The following RBPJ variants were observed in gnomAD, a reference collection of about 807,000 sequenced individuals.
The protein encoded by RBPJ is recombination signal binding protein for immunoglobulin kappa J region.
RBPJ carries 9 observed loss-of-function variants against 67.8 expected under a neutral mutation model. That is an observed-to-expected ratio of 0.13 (90% CI 0.08 to 0.23). The LOEUF is 0.23. RBPJ is among the 10% of genes least tolerant of loss of function. RBPJ has a pLI of 1.00. For synonymous variants in RBPJ, 198 were observed against 203.3 expected (o/e 0.97, Z 0.22); for missense variants, 305 against 595.6 (o/e 0.51, Z 5.08).
chr4:26,372,051 T>A (rs1729209139), intron 1 of RBPJ, among the ~76,000 whole-genome samples: 1 of 152,228 alleles, frequency 6.6e-6, no homozygotes, highest in African/African-American at 2.4e-5. Context: ...CTCAGGATTG[T>A]TAATGATACT....
chr4:26,236,280 C>G (rs1164864875), intron 1 of RBPJ, among the ~76,000 whole-genome samples: 1 of 152,168 alleles, frequency 6.6e-6, no homozygotes, highest in African/African-American at 2.4e-5. Context: ...ATGTCCTCAT[C>G]TGAAAAATGG....
At chr4:26,256,831 T>C (rs1426058097) in intron 1 of RBPJ, among the ~76,000 whole-genome samples, 1 of 152,202 alleles carries the variant, frequency 6.6e-6, no homozygotes, top group Non-Finnish European at 1.5e-5. Context: ...CATTTAACAA[T>C]GAAGCGAAAC....
rs1197238497 is a variant in RBPJ at position 26,264,306 on chromosome 4, AATT to A, written c.-166-98132_-166-98130del. 2.0e-5 allele frequency among the ~76,000 whole-genome samples: 3 copies of A among 152,230 alleles called. No homozygotes were observed. Among genetic ancestry groups the A allele is most frequent in the Non-Finnish European group, 2.9e-5 (2 of 68,048 alleles). On this transcript the variant is annotated intron_variant, in intron 1 of 4. Transcript: ENST00000512351. The surrounding 1 kb of genome is among the most constrained non-coding windows in gnomAD (Gnocchi z 4.1). ...CTTATTAATTCAGATCTTAGTAATT[AATT>A]ATTATTAATACTTATTAATTCATTA...
In RBPJ at chr4:26,407,546, T is replaced by G. The variant is rs571716071; in HGVS notation, c.155+1276T>G. Among the ~76,000 whole-genome samples, 65 of 152,348 alleles carry G rather than the reference T, an allele frequency of 4.3e-4. No homozygotes were observed. The South Asian group carries it at 0.012, about 28-fold the overall frequency. On this transcript the variant is annotated intron_variant, in intron 3 of 10. Transcript: ENST00000355476. ...TTCACTTGGTTCCTGGAATTTTCTT[T>G]GAATAGTTTCTTGAGTCTGTCTTTC... is the stretch of plus-strand genomic sequence containing the variant.
intron 1 of RBPJ, among the ~76,000 whole-genome samples, chr4:26,384,782 TCCTCTCC>T (rs1295667989): frequency 2.2e-5 from 3 of 139,512 alleles, no homozygotes; most frequent in African/African-American, 8.0e-5. Context: ...TCCTCCTCTC[TCCTCTCC>T]CCTCTCCCCC....
At chr4:26,258,211 T>C (rs1464714156) in intron 1 of RBPJ, among the ~76,000 whole-genome samples, 3 of 152,242 alleles carry the variant, frequency 2.0e-5, no homozygotes, top group Non-Finnish European at 4.4e-5. Context: ...ATGGTTATGA[T>C]TTGGCATCTC....
At chr4:26,353,490 ATC>A (rs1251541561) in intron 1 of RBPJ, among the ~76,000 whole-genome samples, 1 of 152,200 alleles carries the variant, frequency 6.6e-6, no homozygotes, top group Non-Finnish European at 1.5e-5. Context: ...TATTATGCCT[ATC>A]TCATAGGTTT....
intron 1 of RBPJ, among the ~76,000 whole-genome samples, chr4:26,263,985 C>T (rs1457807100): frequency 2.0e-5 from 3 of 152,140 alleles, no homozygotes; most frequent in Non-Finnish European, 4.4e-5. Flanking sequence ...AGCGATTCTC[C>T]TGTCTCAGCC....
At chr4:26,367,305 A>G (rs544028041) in intron 1 of RBPJ, among the ~76,000 whole-genome samples, 15 of 152,154 alleles carry the variant, frequency 9.9e-5, no homozygotes, top group Admixed American at 9.2e-4. Flanking sequence ...CAACATGGGA[A>G]AACCCCATCT....
intron 4 of RBPJ, among the ~76,000 whole-genome samples, chr4:26,416,347 C>T (rs1734588697): frequency 2.0e-5 from 3 of 152,140 alleles, no homozygotes; most frequent in Admixed American, 1.3e-4. Context: ...GCAACCTCCA[C>T]CTCACAAGTA....
chr4:26,378,266 T>C (rs1729964211), intron 1 of RBPJ, among the ~76,000 whole-genome samples: 1 of 152,186 alleles, frequency 6.6e-6, no homozygotes, highest in Admixed American at 6.5e-5. Context: ...AGGAGGCATT[T>C]GATGTCAGTT....
chr4:26,206,290 G>A (rs1239942438), intron 1 of RBPJ, among the ~76,000 whole-genome samples: 1 of 152,196 alleles, frequency 6.6e-6, no homozygotes, highest in Non-Finnish European at 1.5e-5. Context: ...GGTGTGACAA[G>A]TCTTGGTGAT....
intron 1 of RBPJ, among the ~76,000 whole-genome samples, chr4:26,228,333 C>G (rs1289106514): frequency 6.6e-6 from 1 of 152,186 alleles, no homozygotes; most frequent in Admixed American, 6.5e-5. Context: ...TTTTAAAATA[C>G]AAACCCAAGC....
chr4:26,133,864 T>C, the RBPJ span, among the ~76,000 whole-genome samples: 6 of 152,116 alleles, frequency 3.9e-5, no homozygotes, highest in Non-Finnish European at 7.4e-5. Flanking sequence ...CTAGATTCTA[T>C]CCACTCCTAC....
chr4:26,207,150 A>G (rs1052020830), intron 1 of RBPJ, among the ~76,000 whole-genome samples: 1 of 152,178 alleles, frequency 6.6e-6, no homozygotes, highest in African/African-American at 2.4e-5. Flanking sequence ...TCTGATTCTG[A>G]AATGGAAAAC....
chr4:26,133,494 A>G, the RBPJ span, among the ~76,000 whole-genome samples: 7 of 152,202 alleles, frequency 4.6e-5, no homozygotes, highest in Non-Finnish European at 8.8e-5. Context: ...CCCTAACCCC[A>G]GGCTGCAGAC....
At chr4:26,194,798 T>C (rs559205675) in intron 1 of RBPJ, among the ~76,000 whole-genome samples, 2 of 152,274 alleles carry the variant, frequency 1.3e-5, no homozygotes, top group Non-Finnish European at 2.9e-5. Context: ...ATAAAATGTC[T>C]CCCTCAGAGA....
intron 1 of RBPJ, among the ~76,000 whole-genome samples, chr4:26,286,842 G>A (rs910019736): frequency 2.0e-5 from 3 of 149,040 alleles, no homozygotes; most frequent in African/African-American, 7.5e-5. Context: ...CTGGAGTGCA[G>A]TGGCCACTAT....
intron 1 of RBPJ, among the ~76,000 whole-genome samples, chr4:26,282,059 C>A (rs569919233): frequency 6.6e-6 from 1 of 151,264 alleles, no homozygotes; most frequent in African/African-American, 2.4e-5. Flanking sequence ...ATGTGTTTAT[C>A]TAGGAAGAGA....
Sources: allele counts gnomAD v4.1 joint callset (sites outside exome capture counted in the v4.1 genomes callset), GRCh38; gene constraint gnomAD v4.1.1; non-coding constraint Gnocchi (gnomAD v3.1); transcripts MANE v1.5; gene names NCBI Gene and HGNC (gene_info 2026-07-23, HGNC 2026-07-21).